Variants in RAD51B observed in about 807,000 individuals in gnomAD.
The protein encoded by RAD51B is DNA repair protein RAD51 homolog 2.
In RAD51B, 38 loss-of-function variants were observed where a neutral mutation model predicts 42.2. The observed-to-expected ratio is 0.90, with a 90% CI of 0.70 to 1.18. The LOEUF is 1.18. Ranked by LOEUF, RAD51B falls within the 50% of genes most tolerant of loss-of-function variation. The pLI, the probability that RAD51B is intolerant of heterozygous loss-of-function variation, is 0.00. For synonymous variants in RAD51B, 154 were observed against 145.2 expected (o/e 1.06, Z -0.43); for missense variants, 373 against 400.7 (o/e 0.93, Z 0.59).
At chr14:68,439,172 ACACACACACACACACT>A (rs1298634132) in intron 9 of RAD51B, among the ~76,000 whole-genome samples, 5 of 69,562 alleles carry the variant, frequency 7.2e-5, no homozygotes, top group African/African-American at 2.1e-4. Context: ...ACACACACAC[ACACACACACACACACT>A]CTCTCACACA....
chr14:68,324,337 T>C (rs1236123240), intron 8 of RAD51B, among the ~76,000 whole-genome samples: 1 of 152,214 alleles, frequency 6.6e-6, no homozygotes, highest in East Asian at 1.9e-4. Context: ...TCATAGACTC[T>C]ATTCATCCCC....
intron 7 of RAD51B, among the ~76,000 whole-genome samples, chr14:68,146,075 A>C (rs1363662246): frequency 1.3e-5 from 2 of 152,214 alleles, no homozygotes; most frequent in African/African-American, 4.8e-5. Context: ...TAAGGACTAC[A>C]TTATTTAACT....
chr14:67,989,727 A>G (rs1304229750), intron 7 of RAD51B, among the ~76,000 whole-genome samples: 2 of 151,804 alleles, frequency 1.3e-5, no homozygotes, highest in African/African-American at 2.4e-5. Context: ...AACCCCCCAC[A>G]GGCCACAACT....
At chr14:67,925,342 G>A (rs914356992) in intron 7 of RAD51B, among the ~76,000 whole-genome samples, 11 of 151,474 alleles carry the variant, frequency 7.3e-5, no homozygotes, top group Non-Finnish European at 1.2e-4. Flanking sequence ...GTGTGATCTC[G>A]GCTCACTGTA....
intron 7 of RAD51B, among the ~76,000 whole-genome samples, chr14:68,154,467 C>G (rs143474673): frequency 5.3e-5 from 8 of 152,166 alleles, no homozygotes; most frequent in Non-Finnish European, 1.0e-4. Context: ...TTTCTCTAGC[C>G]TCAGGCAGTT....
Position 67,908,512 on chromosome 14 carries a change from T to G in RAD51B, c.756+21308T>G, listed in dbSNP as rs970326895. On this transcript the variant is annotated intron_variant, in intron 7 of 10. Transcript: ENST00000471583. ...TTACTTGGAGCAGGAGTTTTGTTTTTTTTTTTTTAACTGAGGATGGGAGAT... is the reference window on the plus strand; with the variant it reads ...TTACTTGGAGCAGGAGTTTTGTTTTGTTTTTTTTAACTGAGGATGGGAGAT... 3.3e-5 allele frequency: 5 copies of G among 152,078 alleles called. No individual in the cohort carries two copies. In the South Asian group the frequency reaches 6.2e-4, roughly 19 times the overall value. 9.4% of individuals were successfully genotyped at this position (152,078 alleles called of 1,614,324 possible). A position where few individuals can be genotyped will look rare whatever the true frequency, so the allele number is the denominator to read the frequency against.
At chr14:68,226,245 G>A (rs913785238) in intron 7 of RAD51B, among the ~76,000 whole-genome samples, 4 of 152,142 alleles carry the variant, frequency 2.6e-5, no homozygotes, top group African/African-American at 4.8e-5. Flanking sequence ...TATAAAATGA[G>A]GGAGCCAACC....
chr14:68,564,288 G>A (rs1372564917), intron 10 of RAD51B, among the ~76,000 whole-genome samples: 3 of 152,168 alleles, frequency 2.0e-5, no homozygotes, highest in Admixed American at 1.3e-4. Context: ...TATTTCCCTC[G>A]TCAACAGTCT....
At chr14:68,287,419 G>A (rs2081434034) in intron 7 of RAD51B, among the ~76,000 whole-genome samples, 1 of 152,144 alleles carries the variant, frequency 6.6e-6, no homozygotes, top group Non-Finnish European at 1.5e-5. Context: ...TACAAATATA[G>A]GGTTTCTTGT....
intron 8 of RAD51B, among the ~76,000 whole-genome samples, chr14:68,344,390 G>A (rs568968534): frequency 6.6e-6 from 1 of 152,336 alleles, no homozygotes; most frequent in South Asian, 2.1e-4. Context: ...GCTCACGCCT[G>A]TAATCCCAGC....
At chr14:68,227,270 A>G (rs1184395620) in intron 7 of RAD51B, among the ~76,000 whole-genome samples, 2 of 152,148 alleles carry the variant, frequency 1.3e-5, no homozygotes, top group Non-Finnish European at 2.9e-5. Flanking sequence ...GGCCCCAGAT[A>G]TGGATGCTTA....
Position 68,594,615 on chromosome 14 carries a change from G to T in RAD51B, c.*12G>T, listed in dbSNP as rs2140084410. ...AGCTAATTTTTTAATTTTTTGTAGA[G>T]GTGGGGTCTCATTATGTTGCCCAAG... On this transcript the variant is annotated 3_prime_UTR_variant, in exon 11 of 11. Coordinates refer to the RAD51B transcript ENST00000487270. The T allele has an allele frequency of 7.8e-7, 1 of 1,285,930 alleles. No individual in the cohort carries two copies. 79.7% of individuals were successfully genotyped at this position (1,285,930 alleles called of 1,614,324 possible). A position where few individuals can be genotyped will look rare whatever the true frequency, so the allele number is the denominator to read the frequency against.
Position 67,864,998 on chromosome 14 carries a change from T to TTC in RAD51B, c.316-4_316-3insCT. ...TTTTTTTTTTTTTTTTTTTTTTTTT[T>TTC]TTAGATTACAGGTCCACCAGGTTGT... is the stretch of plus-strand genomic sequence containing the variant. On this transcript the variant is annotated splice_region_variant and splice_polypyrimidine_tract_variant and intron_variant, in intron 4 of 10. Coordinates refer to ENST00000471583, the MANE Select transcript of RAD51B (RefSeq NM_133510.4). 1 of 1,300,318 alleles carries TTC rather than the reference T, an allele frequency of 7.7e-7. No individual in the cohort carries two copies. The highest frequency in any genetic ancestry group is 9.8e-7 in the Non-Finnish European group (1 of 1,021,962). The allele number at this position is 1,300,318 out of a possible 1,614,324, so 80.5% of individuals were successfully genotyped here. A position where few individuals can be genotyped will look rare whatever the true frequency, so the allele number is the denominator to read the frequency against.
intron 10 of RAD51B, among the ~76,000 whole-genome samples, chr14:68,471,623 T>C (rs1260732625): frequency 6.6e-6 from 1 of 150,572 alleles, no homozygotes; most frequent in Non-Finnish European, 1.5e-5. Context: ...GGCTGCTTTT[T>C]GAAACTCTTG....
intron 10 of RAD51B, among the ~76,000 whole-genome samples, chr14:68,634,015 A>C (rs2140125038): frequency 6.6e-6 from 1 of 152,324 alleles, no homozygotes; most frequent in Non-Finnish European, 1.5e-5. Context: ...AAGACTGCTG[A>C]AGTTTGACAG....
chr14:68,502,379 T>A (rs1884986264), intron 10 of RAD51B, among the ~76,000 whole-genome samples: 1 of 152,154 alleles, frequency 6.6e-6, no homozygotes, highest in South Asian at 2.1e-4. Flanking sequence ...GGCGCACAGC[T>A]GCAGTTCCGA....
At chr14:68,211,016 G>A (rs745348508) in intron 7 of RAD51B, among the ~76,000 whole-genome samples, 1 of 152,146 alleles carries the variant, frequency 6.6e-6, no homozygotes, top group Non-Finnish European at 1.5e-5. Context: ...TTCATTTTCA[G>A]GTTGTCAAGC....
chr14:68,648,051 A>G (rs1195879352), intron 10 of RAD51B, among the ~76,000 whole-genome samples: 6 of 137,326 alleles, frequency 4.4e-5, no homozygotes, highest in Non-Finnish European at 7.7e-5. Flanking sequence ...ACGTATATAG[A>G]TGTGTGTGTG....
At position 68,296,506 on chromosome 14, in the gene RAD51B, CT is replaced by C. The variant is rs374877213; in HGVS notation, c.853+4529del. On this transcript the variant is annotated intron_variant, in intron 8 of 10. Coordinates refer to ENST00000471583, the MANE Select transcript of RAD51B (RefSeq NM_133510.4). ...TGGACCTCAGTCATAGGTAACATCTCTTTCCCCCAGAGTGATTAATAGAGAA... is the reference window on the plus strand; with the variant it reads ...TGGACCTCAGTCATAGGTAACATCTCTTCCCCCAGAGTGATTAATAGAGAA... Among the ~76,000 whole-genome samples, 63 of 152,326 alleles carry C rather than the reference CT, an allele frequency of 4.1e-4. No individual in the cohort carries two copies. In the Middle Eastern group the frequency reaches 0.01, roughly 25 times the overall value.
Sources: allele counts gnomAD v4.1 joint callset (sites outside exome capture counted in the v4.1 genomes callset), GRCh38; gene constraint gnomAD v4.1.1; transcripts MANE v1.5; gene names NCBI Gene and HGNC (gene_info 2026-07-23, HGNC 2026-07-21).